The following MAK16 variants were observed in gnomAD, a reference collection of about 807,000 sequenced individuals.
MAK16 encodes the protein MAK16 homolog, also known as protein MAK16 homolog.
In MAK16, 12 loss-of-function variants were observed where a neutral mutation model predicts 49.9. The observed-to-expected ratio is 0.24, with a 90% CI of 0.15 to 0.39. MAK16 has a LOEUF of 0.39. Among genes scored for constraint, MAK16 ranks in the 10% least tolerant of loss-of-function variants. The probability of loss-of-function intolerance (pLI) is 1.00; values close to 1 mark genes in which losing one functional copy is unlikely to be tolerated. For synonymous variants in MAK16, 115 were observed against 126.4 expected (o/e 0.91, Z 0.60); for missense variants, 292 against 363.7 (o/e 0.80, Z 1.60).
intron 9 of MAK16, among the ~76,000 whole-genome samples, chr8:33,498,031 G>A (rs1024245510): frequency 5.3e-5 from 8 of 151,390 alleles, no homozygotes; most frequent in African/African-American, 1.5e-4. Context: ...AGGAGATGGA[G>A]GTTGCAGTGA....
intron 6 of MAK16, among the ~76,000 whole-genome samples, chr8:33,491,244 A>G (rs1309217270): frequency 6.6e-6 from 1 of 152,188 alleles, no homozygotes; most frequent in Admixed American, 6.5e-5. Flanking sequence ...TGTAACACAC[A>G]TGGAGTGTGG....
Position 33,498,441 on chromosome 8 carries a change from A to G in MAK16, c.715A>G (p.Lys239Glu), listed in dbSNP as rs758764192. The change falls in exon 10 of 10, where the codon AAA becomes GAA. Residue 239 changes from lysine to glutamate, a missense_variant. Lys to Glu is a moderately conservative substitution (Grantham distance 56). Transcript: ENST00000360128. Reference sequence around the variant, plus strand: ...TCTCTCCCCGTAATAGGATATGGATAAACTGGATGCCAGCAGTGATGAAGA... The same window carrying G: ...TCTCTCCCCGTAATAGGATATGGATGAACTGGATGCCAGCAGTGATGAAGA... ...SDISDFEDMD[K>E]LDASSDEDQD... The G allele has an allele frequency of 2.5e-6, 4 of 1,613,976 alleles. No homozygotes were observed. The East Asian group carries it at 6.7e-5, about 27-fold the overall frequency.
rs1335489759 is a variant in MAK16 at position 33,497,353 on chromosome 8, A to C, written c.705+56A>C. 22 of 671,410 alleles carry C rather than the reference A, an allele frequency of 3.3e-5. 1 individual carries two copies. The highest frequency in any genetic ancestry group is 6.5e-5 in the African/African-American group (3 of 45,848). The allele number at this position is 671,410 out of a possible 1,614,324, so 41.6% of individuals were successfully genotyped here. A position where few individuals can be genotyped will look rare whatever the true frequency, so the allele number is the denominator to read the frequency against. On this transcript the variant is annotated intron_variant, in intron 9 of 9. Transcript: ENST00000360128. ...TGGCCTGCAGCAAAAAAAAAAAAAA[A>C]ACAAAAACAGGGAGGTGGCCAGGCA...
intron 6 of MAK16, among the ~76,000 whole-genome samples, chr8:33,494,684 GAT>G (rs978270273): frequency 1.5e-4 from 23 of 152,292 alleles, no homozygotes; most frequent in African/African-American, 5.3e-4. Context: ...AGGAAAAAGA[GAT>G]ATGTGGAAGT....
rs1006180309 is a variant in MAK16 at position 33,489,646 on chromosome 8, G to C, written c.392+507G>C. Among the ~76,000 whole-genome samples, 2 of 152,140 alleles carry C rather than the reference G, an allele frequency of 1.3e-5. No homozygotes were observed. The highest frequency in any genetic ancestry group is 4.8e-5 in the African/African-American group (2 of 41,434). On this transcript the variant is annotated intron_variant, in intron 5 of 9. Transcript: ENST00000360128. This position sits in a 1 kb window ranked among gnomAD's most constrained non-coding sequence, Gnocchi z 4.2. The stretch of plus-strand genomic sequence containing the variant: ...CCGCCTTAGCCTCCCAAAGTGCTGG[G>C]ATTACAGGCATGAGCCACCATGCCC...
chr8:33,497,130 G>GAA, intron 8 of MAK16, 102 bp from the exon 9 acceptor site: 1 of 878,962 alleles, frequency 1.1e-6, no homozygotes, highest in South Asian at 1.8e-5. Flanking sequence ...ATTGCCTAGT[G>GAA]AAAAGACTGT....
In MAK16 at chr8:33,499,337, T is replaced by C; in HGVS notation, c.*708T>C. ...TTTTTTTTTAATTACTTTCCCCTTT[T>C]GCTTGATTCTTCTTCCTTGGTATCA... is the stretch of plus-strand genomic sequence containing the variant. On this transcript the variant is annotated 3_prime_UTR_variant, in exon 10 of 10. Coordinates refer to ENST00000360128, the MANE Select transcript of MAK16 (RefSeq NM_032509.4). The C allele has an allele frequency of 8.4e-7, 1 of 1,195,678 alleles. No homozygotes were observed. Among genetic ancestry groups the C allele is most frequent in the Non-Finnish European group, 1.2e-6 (1 of 808,228 alleles). The allele number at this position is 1,195,678 out of a possible 1,614,324, so 74.1% of individuals were successfully genotyped here. A position where few individuals can be genotyped will look rare whatever the true frequency, so the allele number is the denominator to read the frequency against.
chr8:33,495,667 T>C (rs1184897778), intron 7 of MAK16, 51 bp downstream of exon 7: 1 of 949,990 alleles, frequency 1.1e-6, no homozygotes, highest in African/African-American at 1.7e-5. Context: ...GGTAGTATGT[T>C]GCTAAGACAT....
Position 33,499,145 on chromosome 8 carries a change from C to A in MAK16, c.*516C>A. On this transcript the variant is annotated 3_prime_UTR_variant, in exon 10 of 10. Transcript: ENST00000360128. Reference sequence around the variant, plus strand: ...TACAAATTGGGATGGGAAGAAAATCCTTTCCTCTTGGGAAAGTAATACAAG... The same window carrying A: ...TACAAATTGGGATGGGAAGAAAATCATTTCCTCTTGGGAAAGTAATACAAG... 1 of 1,568,794 alleles carries A rather than the reference C, an allele frequency of 6.4e-7. No individual in the cohort carries two copies. The highest frequency in any genetic ancestry group is 1.1e-5 in the South Asian group (1 of 90,110).
Position 33,485,215 on chromosome 8 carries a change from G to T in MAK16, c.9G>T (p.Ser3=). 1 of 1,614,192 alleles carries T rather than the reference G, an allele frequency of 6.2e-7. No individual in the cohort carries two copies. The highest frequency in any genetic ancestry group is 2.2e-5 in the East Asian group (1 of 44,878). The change falls in exon 1 of 10, where the codon TCG becomes TCT. Residue 3 remains serine, a synonymous_variant. Coordinates refer to ENST00000360128, the MANE Select transcript of MAK16 (RefSeq NM_032509.4). MQ[S]DDVIWDTLGN... is the part of the protein sequence containing the mutation. ...GCTGAGCCGCGGACACCATGCAGTC[G>T]GATGATGTGAGTCTCCTCCGGTTGT...
At position 33,499,877 on chromosome 8, in the gene MAK16, A is replaced by T. The variant is rs1275424976; in HGVS notation, c.*1248A>T. 1 of 157,402 alleles carries T rather than the reference A, an allele frequency of 6.4e-6. No individual in the cohort carries two copies. The highest frequency in any genetic ancestry group is 2.4e-5 in the African/African-American group (1 of 41,478). The allele number at this position is 157,402 out of a possible 1,614,324, so 9.8% of individuals were successfully genotyped here. A position where few individuals can be genotyped will look rare whatever the true frequency, so the allele number is the denominator to read the frequency against. On this transcript the variant is annotated 3_prime_UTR_variant, in exon 10 of 10. Coordinates refer to ENST00000360128, the MANE Select transcript of MAK16 (RefSeq NM_032509.4). ...GAAACCAAAGGAAGAATTTCCATGT[A>T]GATAAATTAAGAATAGGGAAAAACA...
At chr8:33,486,067 T>G (rs949167528) in intron 1 of MAK16, among the ~76,000 whole-genome samples, 2 of 152,152 alleles carry the variant, frequency 1.3e-5, no homozygotes, top group Admixed American at 6.6e-5. Flanking sequence ...AGAATGAATA[T>G]AAGGGTCATC....
At chr8:33,496,791 A>C (rs763268673) in intron 8 of MAK16, 50 bp downstream of exon 8, 10 of 1,308,024 alleles carry the variant, frequency 7.6e-6, no homozygotes, top group Non-Finnish European at 1.1e-5. Context: ...ATTTGTATAA[A>C]ACTGAGAAAC....
At position 33,500,198 on chromosome 8, in the gene MAK16, A is replaced by T; in HGVS notation, c.*1569A>T. 1 of 1,000,562 alleles carries T rather than the reference A, an allele frequency of 1.0e-6. No individual in the cohort carries two copies. The highest frequency in any genetic ancestry group is 1.5e-6 in the Non-Finnish European group (1 of 666,384). 62.0% of individuals were successfully genotyped at this position (1,000,562 alleles called of 1,614,324 possible). A position where few individuals can be genotyped will look rare whatever the true frequency, so the allele number is the denominator to read the frequency against. On this transcript the variant is annotated 3_prime_UTR_variant, in exon 10 of 10. Coordinates refer to ENST00000360128, the MANE Select transcript of MAK16 (RefSeq NM_032509.4). The stretch of plus-strand genomic sequence containing the variant: ...GCTCTTTTGAGGCTAGAGGGCTCAT[A>T]TGGAGATCTAAAACCCTCCATGTTC...
chr8:33,500,358 G>A lies in MAK16; in HGVS notation c.*1729G>A. The A allele has an allele frequency of 6.2e-7, 1 of 1,614,144 alleles. No individual in the cohort carries two copies. The highest frequency in any genetic ancestry group is 2.2e-5 in the East Asian group (1 of 44,888). ...CCCGTCCTTGAGAACAGCGGTCCAGGAGAATCAGGCAGTCTGTGGCCTCCT... is the reference window on the plus strand; with the variant it reads ...CCCGTCCTTGAGAACAGCGGTCCAGAAGAATCAGGCAGTCTGTGGCCTCCT... On this transcript the variant is annotated 3_prime_UTR_variant, in exon 10 of 10. Transcript: ENST00000360128.
Position 33,498,673 on chromosome 8 carries a change from G to GTTTTTT in MAK16, c.*55_*60dup, listed in dbSNP as rs11445524. 2 of 1,173,734 alleles carry GTTTTTT rather than the reference G, an allele frequency of 1.7e-6. No individual in the cohort carries two copies. The highest frequency in any genetic ancestry group is 1.2e-6 in the Non-Finnish European group (1 of 848,320). The allele number at this position is 1,173,734 out of a possible 1,614,324, so 72.7% of individuals were successfully genotyped here. On this transcript the variant is annotated 3_prime_UTR_variant, in exon 10 of 10. Coordinates refer to ENST00000360128, the MANE Select transcript of MAK16 (RefSeq NM_032509.4). ...TACCCAGGACTGAACATGCAGAACT[G>GTTTTTT]TTTTTTTTTTTTTTTTATCTTAAAC...
Position 33,490,300 on chromosome 8 carries a change from T to C in MAK16, c.408T>C (p.Pro136=). The C allele has an allele frequency of 1.9e-6, 3 of 1,613,046 alleles. No homozygotes were observed. The highest frequency in any genetic ancestry group is 2.5e-6 in the Non-Finnish European group (3 of 1,179,098). Residue 136 remains proline (P), a synonymous_variant, in exon 6 of 10, where the codon CCT becomes CCC. Transcript: ENST00000360128. ...TTTCCCTTAGGAGGAAACTTGTTCCTTTGAGTAAGAAGGTGGAGCGTAGGG... is the reference window on the plus strand; with the variant it reads ...TTTCCCTTAGGAGGAAACTTGTTCCCTTGAGTAAGAAGGTGGAGCGTAGGG... ...LTLKRQRKLV[P]LSKKVERREK...
Position 33,500,203 on chromosome 8 carries a change from G to T in MAK16, c.*1574G>T. Reference sequence around the variant, plus strand: ...TTTGAGGCTAGAGGGCTCATATGGAGATCTAAAACCCTCCATGTTCATTTC... The same window carrying T: ...TTTGAGGCTAGAGGGCTCATATGGATATCTAAAACCCTCCATGTTCATTTC... On this transcript the variant is annotated 3_prime_UTR_variant, in exon 10 of 10. Coordinates refer to ENST00000360128, the MANE Select transcript of MAK16 (RefSeq NM_032509.4). 9.2e-7 allele frequency: 1 copy of T among 1,088,016 alleles called. No homozygotes were observed. Among genetic ancestry groups the T allele is most frequent in the Non-Finnish European group, 1.4e-6 (1 of 739,924 alleles). 67.4% of individuals were successfully genotyped at this position (1,088,016 alleles called of 1,614,324 possible).
At chr8:33,497,790 G>C (rs1808900030) in intron 9 of MAK16, among the ~76,000 whole-genome samples, 1 of 151,486 alleles carries the variant, frequency 6.6e-6, no homozygotes, top group Non-Finnish European at 1.5e-5. Flanking sequence ...CACAGGGCCT[G>C]GCCTAAAATT....
Sources: allele counts gnomAD v4.1 joint callset (sites outside exome capture counted in the v4.1 genomes callset), GRCh38; gene constraint gnomAD v4.1.1; non-coding constraint Gnocchi (gnomAD v3.1); transcripts MANE v1.5; gene names NCBI Gene and HGNC (gene_info 2026-07-23, HGNC 2026-07-21).